LRMDA: variants seen among roughly 807,000 people sequenced by gnomAD.
The protein encoded by LRMDA is leucine-rich melanocyte differentiation-associated protein.
A neutral mutation model predicts 29.8 loss-of-function variants in LRMDA; 18 were observed. That is an observed-to-expected ratio of 0.60 (90% CI 0.42 to 0.90). The LOEUF is 0.90. LRMDA is among the 40% of genes least tolerant of loss of function. The pLI is 0.00. For synonymous variants in LRMDA, 125 were observed against 109.4 expected (o/e 1.14, Z -0.89); for missense variants, 273 against 273.9 (o/e 1.00, Z 0.02).
chr10:76,211,220 C>G (rs1851628082), intron 5 of LRMDA, among the ~76,000 whole-genome samples: 1 of 152,220 alleles, frequency 6.6e-6, no homozygotes, highest in African/African-American at 2.4e-5. Flanking sequence ...AGCCTGGTAC[C>G]CAGTTGCCTC....
chr10:75,903,177 C>T (rs1176488232), intron 2 of LRMDA, among the ~76,000 whole-genome samples: 2 of 152,174 alleles, frequency 1.3e-5, no homozygotes, highest in African/African-American at 2.4e-5. Context: ...GAGGGAATTT[C>T]CTAAATTTTC....
At chr10:76,007,263 T>G (rs1847688007) in intron 2 of LRMDA, among the ~76,000 whole-genome samples, 1 of 151,912 alleles carries the variant, frequency 6.6e-6, no homozygotes, top group South Asian at 2.1e-4. Context: ...TTGGCCCCTC[T>G]CTGCCCACCC....
chr10:75,562,905 A>T (rs1282267595), intron 2 of LRMDA, among the ~76,000 whole-genome samples: 2 of 152,150 alleles, frequency 1.3e-5, no homozygotes, highest in Non-Finnish European at 2.9e-5. Context: ...ATCTGCTGTT[A>T]GTCTGATGGG....
At chr10:75,943,563 G>A (rs1475802047) in intron 2 of LRMDA, among the ~76,000 whole-genome samples, 2 of 152,192 alleles carry the variant, frequency 1.3e-5, no homozygotes, top group Non-Finnish European at 2.9e-5. Context: ...TTTCCTCTCT[G>A]TTATAGAACC....
chr10:75,785,387 A>C (rs1336659394), intron 2 of LRMDA, among the ~76,000 whole-genome samples: 1 of 152,112 alleles, frequency 6.6e-6, no homozygotes, highest in African/African-American at 2.4e-5. Flanking sequence ...AGGTGAGCCC[A>C]GGGTGGAGAT....
chr10:75,505,106 G>T (rs1170906545), intron 2 of LRMDA, among the ~76,000 whole-genome samples: 1 of 152,112 alleles, frequency 6.6e-6, no homozygotes, highest in Non-Finnish European at 1.5e-5. Flanking sequence ...TTGGAAATGG[G>T]ATGAATAAGG....
chr10:75,816,448 C>G (rs1201164556), intron 2 of LRMDA, among the ~76,000 whole-genome samples: 2 of 152,090 alleles, frequency 1.3e-5, no homozygotes, highest in African/African-American at 4.8e-5. Flanking sequence ...TCCAGCCTTT[C>G]CAAGCAGTAG....
At chr10:76,002,865 C>T (rs758034432) in intron 2 of LRMDA, among the ~76,000 whole-genome samples, 2 of 152,184 alleles carry the variant, frequency 1.3e-5, no homozygotes, top group African/African-American at 4.8e-5. Flanking sequence ...CTGAGAGGCC[C>T]AGCCTTCTGG....
intron 6 of LRMDA, among the ~76,000 whole-genome samples, chr10:76,441,996 T>G (rs1589189209): frequency 6.6e-6 from 1 of 152,338 alleles, no homozygotes; most frequent in Non-Finnish European, 1.5e-5. Flanking sequence ...TGGTGTATTA[T>G]TCCCACATTT....
At position 76,418,124 on chromosome 10, in the gene LRMDA, A is replaced by C. The variant is rs960793541; in HGVS notation, c.601+93639A>C. Among the ~76,000 whole-genome samples the C allele has an allele frequency of 1.4e-4, 22 of 152,086 alleles. No individual in the cohort carries two copies. In the East Asian group the frequency reaches 4.0e-3, roughly 28 times the overall value. On this transcript the variant is annotated intron_variant, in intron 6 of 6. Coordinates refer to ENST00000611255, the MANE Select transcript of LRMDA (RefSeq NM_001305581.2). ...CCTTGGCTCTTTGAATCTCCATACA[A>C]GTTTTAGAATCATATGTGTCCTAAT...
chr10:76,168,989 G>A (rs980711380), intron 5 of LRMDA, among the ~76,000 whole-genome samples: 1 of 152,300 alleles, frequency 6.6e-6, no homozygotes, highest in Admixed American at 6.5e-5. Flanking sequence ...GGGTAACAAG[G>A]TGGGGAGAAA....
At chr10:75,490,206 C>T (rs1844967591) in intron 2 of LRMDA, among the ~76,000 whole-genome samples, 1 of 152,174 alleles carries the variant, frequency 6.6e-6, no homozygotes, top group African/African-American at 2.4e-5. Context: ...AAAGTCTACT[C>T]CTATCAACCT....
chr10:75,965,882 T>A (rs1292230341), intron 2 of LRMDA, among the ~76,000 whole-genome samples: 1 of 152,224 alleles, frequency 6.6e-6, no homozygotes, highest in East Asian at 1.9e-4. Flanking sequence ...ACTGGGTTTA[T>A]ACACATTATA....
At chr10:75,751,282 C>T (rs1025055274) in intron 2 of LRMDA, among the ~76,000 whole-genome samples, 4 of 151,616 alleles carry the variant, frequency 2.6e-5, no homozygotes, top group African/African-American at 4.8e-5. Context: ...CCAGCCTCGG[C>T]TCGGCATCAG....
intron 2 of LRMDA, among the ~76,000 whole-genome samples, chr10:76,008,743 G>T (rs1847720808): frequency 6.6e-6 from 1 of 152,230 alleles, no homozygotes; most frequent in African/African-American, 2.4e-5. Flanking sequence ...ATGGGTGTTG[G>T]AGAGCTCTCT....
chr10:75,782,741 G>A, intron 2 of LRMDA: 1 of 1,349,172 alleles, frequency 7.4e-7, no homozygotes, highest in Admixed American at 3.1e-5. Context: ...GAAACTGCAA[G>A]CAGATGCCCT....
chr10:75,561,898 G>A (rs1015312749), intron 2 of LRMDA, among the ~76,000 whole-genome samples: 1 of 152,076 alleles, frequency 6.6e-6, no homozygotes, highest in Non-Finnish European at 1.5e-5. Context: ...CTGAGTGACA[G>A]TTTGTTATAA....
chr10:76,310,822 A>G (rs1042991487), intron 5 of LRMDA, among the ~76,000 whole-genome samples: 1 of 152,228 alleles, frequency 6.6e-6, no homozygotes, highest in African/African-American at 2.4e-5. Context: ...TCATGCTGGC[A>G]TGCACTCTTA....
At chr10:76,367,066 C>T (rs12415858) in intron 6 of LRMDA, among the ~76,000 whole-genome samples, 87,234 of 151,972 alleles carry the variant, frequency 0.57, 29,653 homozygotes, top group Non-Finnish European at 0.79. Context: ...TATTGACTTG[C>T]GTATGTTAAA....
Sources: allele counts gnomAD v4.1 joint callset (sites outside exome capture counted in the v4.1 genomes callset), GRCh38; gene constraint gnomAD v4.1.1; transcripts MANE v1.5; gene names NCBI Gene and HGNC (gene_info 2026-07-23, HGNC 2026-07-21).